Variants in PIP5K1B observed in about 807,000 individuals in gnomAD.
The protein encoded by PIP5K1B is phosphatidylinositol 4-phosphate 5-kinase type-1 beta.
PIP5K1B carries 42 observed loss-of-function variants against 67.0 expected under a neutral mutation model. The ratio of observed to expected loss-of-function variants is 0.63; its 90% CI spans 0.49 to 0.81. The LOEUF is 0.81. Among genes scored for constraint, PIP5K1B ranks in the 30% least tolerant of loss-of-function variants. The pLI is 0.00. For missense variants in PIP5K1B, 459 were observed against 646.3 expected, an observed-to-expected ratio of 0.71 and a Z score of 3.14; for synonymous variants, 214 against 231.4, an observed-to-expected ratio of 0.92 and a Z score of 0.68.
At chr9:68,978,108 A>G (rs1413617295) in intron 14 of PIP5K1B, among the ~76,000 whole-genome samples, 2 of 152,198 alleles carry the variant, frequency 1.3e-5, no homozygotes, top group Non-Finnish European at 2.9e-5. Flanking sequence ...GCCAATTAAC[A>G]TATCTATCAC....
At chr9:68,863,522 T>C (rs1179830311) in intron 4 of PIP5K1B, among the ~76,000 whole-genome samples, 1 of 152,230 alleles carries the variant, frequency 6.6e-6, no homozygotes, top group Non-Finnish European at 1.5e-5. Context: ...ATGGGAAATA[T>C]TGGTGTCCCC....
chr9:68,973,960 C>T (rs1048146254), intron 14 of PIP5K1B, among the ~76,000 whole-genome samples: 2 of 152,214 alleles, frequency 1.3e-5, no homozygotes, highest in African/African-American at 4.8e-5. Flanking sequence ...TCACTGCAAC[C>T]TTCACCTCCC....
intron 15 of PIP5K1B, among the ~76,000 whole-genome samples, chr9:68,997,728 C>G (rs1830656065): frequency 6.6e-6 from 1 of 152,186 alleles, no homozygotes; most frequent in South Asian, 2.1e-4. Flanking sequence ...CTCACAGCAT[C>G]TACAAGTTAT....
At chr9:68,955,693 A>G (rs957108284) in intron 14 of PIP5K1B, among the ~76,000 whole-genome samples, 1 of 152,296 alleles carries the variant, frequency 6.6e-6, no homozygotes, top group African/African-American at 2.4e-5. Flanking sequence ...AAATAATTAC[A>G]TGAGTTCTGG....
At chr9:68,853,193 C>T (rs545913672) in intron 4 of PIP5K1B, among the ~76,000 whole-genome samples, 132 of 152,216 alleles carry the variant, frequency 8.7e-4, no homozygotes, top group Admixed American at 1.9e-3. Context: ...ATGTGATCAG[C>T]GGGACCTGTG....
chr9:68,973,059 C>A (rs1450136795), intron 14 of PIP5K1B, among the ~76,000 whole-genome samples: 1 of 152,140 alleles, frequency 6.6e-6, no homozygotes, highest in Non-Finnish European at 1.5e-5. Flanking sequence ...GGATAAAGAA[C>A]AAGCTCAGAA....
intron 1 of PIP5K1B, among the ~76,000 whole-genome samples, chr9:68,710,102 AT>A (rs1034673338): frequency 1.2e-4 from 18 of 151,958 alleles, no homozygotes; most frequent in Middle Eastern, 3.4e-3. Flanking sequence ...TATCCTGGAA[AT>A]TTTTTTTTCC....
At chr9:68,923,254 A>T in intron 11 of PIP5K1B, 48 bp from the exon 12 acceptor site, 1 of 999,326 alleles carries the variant, frequency 1.0e-6, no homozygotes, top group South Asian at 1.4e-5. Context: ...CTGACTTGAG[A>T]TGAACATTAA....
chr9:68,878,955 C>T (rs573908615), intron 6 of PIP5K1B, among the ~76,000 whole-genome samples: 11 of 152,124 alleles, frequency 7.2e-5, no homozygotes, highest in South Asian at 4.2e-4. Context: ...GTTCAGTTTT[C>T]GAAAGGACAT....
At chr9:68,806,412 G>C (rs1473846925) in intron 2 of PIP5K1B, among the ~76,000 whole-genome samples, 1 of 152,188 alleles carries the variant, frequency 6.6e-6, no homozygotes, top group Non-Finnish European at 1.5e-5. Flanking sequence ...TCATCCTCAT[G>C]ACTATTGCAG....
chr9:68,921,528 A>G (rs1329798495), intron 11 of PIP5K1B, among the ~76,000 whole-genome samples: 1 of 152,078 alleles, frequency 6.6e-6, no homozygotes, highest in East Asian at 1.9e-4. Flanking sequence ...TACCAGATGG[A>G]TCTGAATCGT....
rs1183954471 is a variant in PIP5K1B at position 68,917,580 on chromosome 9, C to G, written c.804C>G (p.Ser268Arg). ...VLESFKIMDY[S>R]LLLGIHFLDH... Reference sequence around the variant, plus strand: ...AAAGCTTCAAGATCATGGATTATAGCCTTCTGTTGGGAATTCATTTCCTGG... The same window carrying G: ...AAAGCTTCAAGATCATGGATTATAGGCTTCTGTTGGGAATTCATTTCCTGG... The change falls in exon 9 of 16, where the codon AGC becomes AGG. Residue 268 changes from serine (S) to arginine (R), a missense_variant. By Grantham distance (110) the Ser-to-Arg change is moderately radical (BLOSUM62 -1). Transcript: ENST00000265382. 2.5e-6 allele frequency: 4 copies of G among 1,613,944 alleles called. No homozygotes were observed. The highest frequency in any genetic ancestry group is 2.5e-6 in the Non-Finnish European group (3 of 1,179,860).
chr9:68,937,799 G>A (rs142318136), intron 13 of PIP5K1B, among the ~76,000 whole-genome samples: 4 of 152,150 alleles, frequency 2.6e-5, no homozygotes, highest in East Asian at 3.9e-4. Context: ...ACTCTGGTAC[G>A]TTGTCTTCAT....
chr9:68,982,142 C>T (rs559653754), intron 14 of PIP5K1B, among the ~76,000 whole-genome samples: 32 of 152,170 alleles, frequency 2.1e-4, no homozygotes, highest in Non-Finnish European at 3.7e-4. Context: ...AACCCAGTCA[C>T]GTAAATTTGC....
rs879083237 is a variant in PIP5K1B at position 68,863,960 on chromosome 9, C to T, written c.193C>T (p.Leu65=). 8 of 1,613,510 alleles carry T rather than the reference C, an allele frequency of 5.0e-6. No homozygotes were observed. The South Asian group carries it at 8.8e-5, about 18-fold the overall frequency. The change falls in exon 5 of 16, where the codon CTA becomes TTA. Residue 65 remains leucine (L), a synonymous_variant. Transcript: ENST00000265382. ...QDFYVVESVF[L]PSEGSNLTPA... Reference sequence around the variant, plus strand: ...CTTTTATGTGGTGGAAAGTGTGTTCCTACCCAGGTAAGAACATTTTTATTT... The same window carrying T: ...CTTTTATGTGGTGGAAAGTGTGTTCTTACCCAGGTAAGAACATTTTTATTT...
In PIP5K1B at chr9:68,932,241, A is replaced by G. The variant is rs145060746; in HGVS notation, c.1202-2649A>G. 7.1e-3 allele frequency among the ~76,000 whole-genome samples: 1,077 copies of G among 152,280 alleles called. 15 individuals carry two copies. Among genetic ancestry groups the G allele is most frequent in the African/African-American group, 0.025 (1,032 of 41,546 alleles). ...TTTGATCATTGCTGTTTCTTCGTTT[A>G]GAGAAATAACATTGACCTAAGAACT... On this transcript the variant is annotated intron_variant, in intron 12 of 15. Transcript: ENST00000265382.
rs1409404635 is a variant in PIP5K1B, at chr9:68,894,502, G to A, written c.635G>A (p.Arg212Lys). Reference sequence around the variant, plus strand: ...TTGAAAGGCTCAACGTATAAGCGAAGAGCATCCCGTAAAGAGAGAGAGAAA... The same window carrying A: ...TTGAAAGGCTCAACGTATAAGCGAAAAGCATCCCGTAAAGAGAGAGAGAAA... ...YDLKGSTYKR[R>K]ASRKEREKSN... Residue 212 changes from arginine to lysine, a missense_variant, in exon 8 of 16, where the codon AGA (arginine) becomes AAA (lysine). Physicochemically the swap from Arg to Lys is conservative, Grantham distance 26. Around this residue, in one of 2 missense-constraint regions of PIP5K1B, gnomAD observed 290 missense variants for 474.4 expected, o/e 0.61. Transcript: ENST00000265382. 1 of 1,614,116 alleles carries A rather than the reference G, an allele frequency of 6.2e-7. No homozygotes were observed. Among genetic ancestry groups the A allele is most frequent in the Admixed American group, 1.7e-5 (1 of 60,020 alleles).
chr9:68,899,459 T>C (rs988658464), intron 8 of PIP5K1B, among the ~76,000 whole-genome samples: 1 of 11,608 alleles, frequency 8.6e-5, no homozygotes. Flanking sequence ...AGCTGTCTAA[T>C]GATTTAAAAA....
chr9:68,784,450 T>G (rs965567545), intron 2 of PIP5K1B: 1 of 166,860 alleles, frequency 6.0e-6, no homozygotes, highest in Non-Finnish European at 1.5e-5. Flanking sequence ...TTAGGACCCT[T>G]AAGCATACTT....
Sources: gnomAD v4.1 joint callset for allele counts (sites outside exome capture counted in the v4.1 genomes callset) on GRCh38, gnomAD v4.1.1 for gene constraint, gnomAD v4.1.1 regional missense constraint, MANE v1.5 for transcripts, NCBI Gene and HGNC (gene_info 2026-07-23, HGNC 2026-07-21) for gene names.